The following GRID1 variants were observed in gnomAD, a reference collection of about 807,000 sequenced individuals.
The protein encoded by GRID1 is glutamate ionotropic receptor delta type subunit 1.
Under a neutral mutation model 98.0 loss-of-function variants are expected in GRID1, and 28 were observed. That is an observed-to-expected ratio of 0.29 (90% CI 0.21 to 0.39). GRID1 has a LOEUF of 0.39. Among genes scored for constraint, GRID1 ranks in the 10% least tolerant of loss-of-function variants. The pLI is 1.00. For missense variants in GRID1, 1,111 were observed against 1,340.5 expected (o/e 0.83, Z 2.67); for synonymous variants, 553 against 538.5 (o/e 1.03, Z -0.37).
intron 12 of GRID1, among the ~76,000 whole-genome samples, chr10:85,671,459 G>T (rs1841084194): frequency 6.6e-6 from 1 of 151,932 alleles, no homozygotes; most frequent in Non-Finnish European, 1.5e-5. Context: ...ATTCTTTGGG[G>T]GCCACAAACT....
chr10:85,787,694 A>G (rs1205621735), intron 8 of GRID1, among the ~76,000 whole-genome samples: 1 of 152,142 alleles, frequency 6.6e-6, no homozygotes, highest in Admixed American at 6.5e-5. Flanking sequence ...GTAAATCCTC[A>G]GCTCAGCACA....
chr10:86,252,496 A>G (rs1300540164), intron 2 of GRID1, among the ~76,000 whole-genome samples: 1 of 152,222 alleles, frequency 6.6e-6, no homozygotes, highest in Non-Finnish European at 1.5e-5. Context: ...CACAAAGTGC[A>G]TGAATAAACA....
chr10:85,961,869 AAAG>A (rs1342957748), intron 4 of GRID1, among the ~76,000 whole-genome samples: 2 of 152,102 alleles, frequency 1.3e-5, no homozygotes, highest in Non-Finnish European at 2.9e-5. Flanking sequence ...GGAAGGAAGA[AAAG>A]AGAGAGAGGG....
At chr10:85,704,000 G>A (rs1015694391) in intron 12 of GRID1, among the ~76,000 whole-genome samples, 2 of 152,070 alleles carry the variant, frequency 1.3e-5, no homozygotes, top group African/African-American at 4.8e-5. Context: ...GCTTAGTTTG[G>A]CTGGATATGA....
intron 2 of GRID1, among the ~76,000 whole-genome samples, chr10:86,222,810 G>C (rs1427596162): frequency 6.6e-6 from 1 of 152,134 alleles, no homozygotes; most frequent in African/African-American, 2.4e-5. Context: ...GCTGAAGGGG[G>C]GCAGGGCACC....
chr10:85,708,682 T>C (rs1841550679), intron 12 of GRID1: 1 of 152,220 alleles, frequency 6.6e-6, no homozygotes, highest in Non-Finnish European at 1.5e-5. Flanking sequence ...TAAGAGAAGA[T>C]GGCCAAGCAT....
At chr10:86,342,842 GGTCTTATTT>G (rs1301815230) in intron 2 of GRID1, among the ~76,000 whole-genome samples, 1 of 152,238 alleles carries the variant, frequency 6.6e-6, no homozygotes, top group Non-Finnish European at 1.5e-5. Flanking sequence ...ACCATTGAAA[GGTCTTATTT>G]GTCATAAATA....
intron 8 of GRID1, among the ~76,000 whole-genome samples, chr10:85,807,669 A>G (rs998704910): frequency 1.3e-5 from 2 of 152,152 alleles, no homozygotes; most frequent in African/African-American, 4.8e-5. Flanking sequence ...AACATGATCA[A>G]AATGTGATAC....
chr10:85,791,905 T>C (rs893786441), intron 8 of GRID1, among the ~76,000 whole-genome samples: 1 of 151,790 alleles, frequency 6.6e-6, no homozygotes, highest in African/African-American at 2.4e-5. Flanking sequence ...GCAGGGGGCA[T>C]AGGGAGAGGG....
At chr10:85,793,039 T>C (rs966928485) in intron 8 of GRID1, among the ~76,000 whole-genome samples, 4 of 152,164 alleles carry the variant, frequency 2.6e-5, no homozygotes, top group African/African-American at 9.7e-5. Context: ...TGATACAACT[T>C]CTGGCAAGTG....
At chr10:85,947,010 C>T (rs981218027) in intron 4 of GRID1, among the ~76,000 whole-genome samples, 5 of 152,132 alleles carry the variant, frequency 3.3e-5, no homozygotes, top group African/African-American at 7.2e-5. Context: ...TCAGAAGAGG[C>T]GCGACAGTGA....
At chr10:86,020,704 AG>A (rs1843037141) in intron 4 of GRID1, among the ~76,000 whole-genome samples, 1 of 152,200 alleles carries the variant, frequency 6.6e-6, no homozygotes, top group Admixed American at 6.5e-5. Flanking sequence ...GAGGTCAGCC[AG>A]CACTACAGGC....
At chr10:85,808,217 A>T (rs544970706) in intron 8 of GRID1, among the ~76,000 whole-genome samples, 2 of 152,216 alleles carry the variant, frequency 1.3e-5, no homozygotes, top group Non-Finnish European at 2.9e-5. Context: ...CACACCAGAC[A>T]TTATTACCTG....
chr10:86,122,956 G>A (rs958257546), intron 4 of GRID1, among the ~76,000 whole-genome samples: 1 of 152,212 alleles, frequency 6.6e-6, no homozygotes, highest in South Asian at 2.1e-4. Context: ...AGAGTCCAGG[G>A]ACACAGGACT....
At chr10:85,758,373 G>A (rs562228064) in intron 8 of GRID1, among the ~76,000 whole-genome samples, 110 of 152,248 alleles carry the variant, frequency 7.2e-4, no homozygotes, top group Middle Eastern at 3.4e-3. Context: ...ACTAGGGGTG[G>A]GCAATTTCTT....
At chr10:85,929,645 A>T (rs1841822999) in intron 4 of GRID1, among the ~76,000 whole-genome samples, 1 of 152,248 alleles carries the variant, frequency 6.6e-6, no homozygotes, top group Non-Finnish European at 1.5e-5. Flanking sequence ...TGTTACAATT[A>T]CAGACAATAG....
chr10:86,330,555 G>A (rs971684774), intron 2 of GRID1, among the ~76,000 whole-genome samples: 77 of 152,174 alleles, frequency 5.1e-4, no homozygotes, highest in Non-Finnish European at 3.4e-4. Flanking sequence ...ACCAAGCACC[G>A]GGAACAGCAT....
intron 12 of GRID1, among the ~76,000 whole-genome samples, chr10:85,658,624 C>T (rs1257195651): frequency 1.3e-5 from 2 of 152,116 alleles, no homozygotes; most frequent in East Asian, 1.9e-4. Flanking sequence ...ATGCAAAACA[C>T]GGTGCTAGAA....
chr10:85,896,940 T>C (rs1048734139), intron 5 of GRID1, among the ~76,000 whole-genome samples: 1 of 152,176 alleles, frequency 6.6e-6, no homozygotes, highest in Non-Finnish European at 1.5e-5. Flanking sequence ...TTGCATAAAT[T>C]ATGATTCCTC....
Sources: gnomAD v4.1 joint callset for allele counts (sites outside exome capture counted in the v4.1 genomes callset) on GRCh38, gnomAD v4.1.1 for gene constraint, MANE v1.5 for transcripts, NCBI Gene and HGNC (gene_info 2026-07-23, HGNC 2026-07-21) for gene names.